Variants in COL22A1 observed in about 807,000 individuals in gnomAD.
The protein encoded by COL22A1 is collagen alpha-1(XXII) chain.
COL22A1 carries 221 observed loss-of-function variants against 248.9 expected under a neutral mutation model. The ratio of observed to expected loss-of-function variants is 0.89; its 90% CI spans 0.80 to 0.99. The LOEUF (loss-of-function observed/expected upper bound fraction) is 0.99, where lower values mean the gene tolerates loss of function less well. Among genes scored for constraint, COL22A1 ranks in the 50% least tolerant of loss-of-function variants. COL22A1 has a pLI of 0.00. For missense variants in COL22A1, 2,240 were observed against 2,179.0 expected (o/e 1.03, Z -0.56); for synonymous variants, 891 against 793.4 (o/e 1.12, Z -2.07).
chr8:138,893,007 T>G (rs1401783355), intron 1 of COL22A1, among the ~76,000 whole-genome samples: 1 of 152,168 alleles, frequency 6.6e-6, no homozygotes, highest in Non-Finnish European at 1.5e-5. Context: ...AGACCCAGCT[T>G]GGAACGACTG....
intron 12 of COL22A1, 115 bp from the exon 13 acceptor site, chr8:138,781,095 T>G (rs1272107455): frequency 8.2e-6 from 6 of 735,720 alleles, no homozygotes; most frequent in African/African-American, 1.8e-5. Flanking sequence ...CCAAGACTGC[T>G]GCTCAAAAAT....
intron 12 of COL22A1, 95 bp downstream of exon 12, chr8:138,796,724 C>A (rs188881189): frequency 2.6e-5 from 23 of 878,624 alleles, no homozygotes; most frequent in South Asian, 2.2e-4. Context: ...CACTCGAATT[C>A]TTTCCAGGCA....
chr8:138,616,125 C>T (rs1019130016), intron 54 of COL22A1, 71 bp from the exon 55 acceptor site: 2 of 1,268,444 alleles, frequency 1.6e-6, no homozygotes, highest in South Asian at 1.2e-5. Context: ...CACAGGGGCA[C>T]CTGAGGAGCT....
chr8:138,648,722 C>T (rs1294210720), intron 46 of COL22A1, among the ~76,000 whole-genome samples: 1 of 152,056 alleles, frequency 6.6e-6, no homozygotes, highest in Non-Finnish European at 1.5e-5. Context: ...AGTTGCAACA[C>T]TATCTTCTTA....
Position 138,724,656 on chromosome 8 carries a change from C to G in COL22A1, c.2206G>C (p.Glu736Gln). ...GPGGSPGLPG[E>Q]IGFPGKPGPP... ...CCAGGCTTTCCCGGGAAGCCGATCT[C>G]TCCAGGCAAACCCTGAAAGGGGACC... The change falls in exon 25 of 65, where the codon GAG (glutamate) becomes CAG (glutamine). Residue 736 changes from glutamate to glutamine, a missense_variant. Transcript: ENST00000303045. 6.2e-7 allele frequency: 1 copy of G among 1,614,206 alleles called. No individual in the cohort carries two copies. The highest frequency in any genetic ancestry group is 8.5e-7 in the Non-Finnish European group (1 of 1,180,008).
chr8:138,591,564 C>T (rs1481417914), intron 63 of COL22A1, 63 bp from the exon 64 acceptor site: 1 of 1,343,824 alleles, frequency 7.4e-7, no homozygotes, highest in Non-Finnish European at 1.0e-6. Context: ...AACTGGGCGT[C>T]CCACCTTGCG....
intron 61 of COL22A1, among the ~76,000 whole-genome samples, chr8:138,597,263 C>T (rs1426826374): frequency 6.6e-6 from 1 of 152,214 alleles, no homozygotes; most frequent in African/African-American, 2.4e-5. Flanking sequence ...GCTGAAGCCA[C>T]TGTGCCCATT....
At chr8:138,666,914 C>A (rs1429731396) in intron 41 of COL22A1, among the ~76,000 whole-genome samples, 1 of 152,204 alleles carries the variant, frequency 6.6e-6, no homozygotes, top group African/African-American at 2.4e-5. Context: ...TGACCTTAAG[C>A]AAGTTACTTA....
At chr8:138,758,960 G>A (rs1251798187) in intron 18 of COL22A1, among the ~76,000 whole-genome samples, 1 of 152,126 alleles carries the variant, frequency 6.6e-6, no homozygotes, top group Non-Finnish European at 1.5e-5. Context: ...CAGACTTCAA[G>A]GCTCATTCCC....
chr8:138,694,434 G>T, intron 34 of COL22A1, 74 bp downstream of exon 34: 2 of 1,443,288 alleles, frequency 1.4e-6, no homozygotes, highest in Non-Finnish European at 2.0e-6. Flanking sequence ...ACTGGGGAGG[G>T]TGGCCTGGAG....
intron 24 of COL22A1, among the ~76,000 whole-genome samples, chr8:138,724,873 G>A (rs762273166): frequency 3.3e-5 from 5 of 152,156 alleles, no homozygotes; most frequent in African/African-American, 4.8e-5. Flanking sequence ...GCCTGCAGTC[G>A]GGGCGTCCTT....
At chr8:138,775,614 T>C (rs1406572071) in intron 16 of COL22A1, among the ~76,000 whole-genome samples, 1 of 152,138 alleles carries the variant, frequency 6.6e-6, no homozygotes, top group Non-Finnish European at 1.5e-5. Flanking sequence ...CCAAGTAAGA[T>C]ACGAGTCCTC....
intron 56 of COL22A1, among the ~76,000 whole-genome samples, chr8:138,613,217 C>G (rs1451312404): frequency 6.7e-6 from 1 of 148,226 alleles, no homozygotes; most frequent in African/African-American, 2.5e-5. Context: ...CAGTGCACTG[C>G]AGCCTGGGTG....
At chr8:138,827,014 T>C (rs1819639589) in intron 5 of COL22A1, among the ~76,000 whole-genome samples, 1 of 151,992 alleles carries the variant, frequency 6.6e-6, no homozygotes, top group Non-Finnish European at 1.5e-5. Context: ...TTCAAATCCA[T>C]CCCTATGGTG....
At chr8:138,702,493 A>G (rs1451605838) in intron 31 of COL22A1, among the ~76,000 whole-genome samples, 1 of 152,108 alleles carries the variant, frequency 6.6e-6, no homozygotes, top group Non-Finnish European at 1.5e-5. Flanking sequence ...AGGGCCAGTA[A>G]CTGGCCAACT....
At chr8:138,897,915 T>C (rs1370577982) in intron 1 of COL22A1, among the ~76,000 whole-genome samples, 1 of 152,098 alleles carries the variant, frequency 6.6e-6, no homozygotes, top group African/African-American at 2.4e-5. Context: ...TTCTGGAGGC[T>C]GGGAAGCACA....
intron 2 of COL22A1, among the ~76,000 whole-genome samples, chr8:138,879,398 C>T (rs1033392650): frequency 6.6e-6 from 1 of 151,904 alleles, no homozygotes; most frequent in East Asian, 1.9e-4. Context: ...TATCAAGAAG[C>T]CCTGGTCTTA....
chr8:138,865,337 T>C (rs1822777513), intron 3 of COL22A1, among the ~76,000 whole-genome samples: 2 of 152,208 alleles, frequency 1.3e-5, no homozygotes, highest in Admixed American at 6.5e-5. Context: ...TGAGTATGTA[T>C]GTGAGCACAT....
At position 138,806,141 on chromosome 8, in the gene COL22A1, T is replaced by TGTATGATTGTGTGTGAGG. The variant is rs1563788737; in HGVS notation, c.1494+1626_1494+1627insCCTCACACACAATCATAC. Among the ~76,000 whole-genome samples the TGTATGATTGTGTGTGAGG allele has an allele frequency of 3.4e-4, 21 of 62,278 alleles. 7 individuals carry two copies. The highest frequency in any genetic ancestry group is 4.4e-4 in the Non-Finnish European group (14 of 31,484). 40.9% of individuals were successfully genotyped at this position (62,278 alleles called of 152,430 possible). A position where few individuals can be genotyped will look rare whatever the true frequency, so the allele number is the denominator to read the frequency against. ...TGGTGTAGGTAATGGTGTGTGGTGGTGTGTGTGTGATGGTGTGTGTGTGTG... is the reference window on the plus strand; with the variant it reads ...TGGTGTAGGTAATGGTGTGTGGTGGTGTATGATTGTGTGTGAGGGTGTGTGTGATGGTGTGTGTGTGTG... On this transcript the variant is annotated intron_variant, in intron 10 of 64. Coordinates refer to ENST00000303045, the MANE Select transcript of COL22A1 (RefSeq NM_152888.3).
Sources: gnomAD v4.1 joint callset for allele counts (sites outside exome capture counted in the v4.1 genomes callset) on GRCh38, gnomAD v4.1.1 for gene constraint, MANE v1.5 for transcripts, NCBI Gene and HGNC (gene_info 2026-07-23, HGNC 2026-07-21) for gene names.